ZNG1A: variants seen among roughly 807,000 people sequenced by gnomAD.
ZNG1A encodes the protein Zn regulated GTPase metalloprotein activator 1A.
chr9:128,804 G>C, the ZNG1A span, among the ~76,000 whole-genome samples: 1 of 150,370 alleles, frequency 6.7e-6, no homozygotes, highest in African/African-American at 2.5e-5. Flanking sequence ...CATTTGGGTA[G>C]GCTCTGTCAG....
At chr9:139,402 C>T in the ZNG1A span, among the ~76,000 whole-genome samples, 8 of 148,664 alleles carry the variant, frequency 5.4e-5, 1 homozygote, top group Non-Finnish European at 1.2e-4. Context: ...GGGTATAAAG[C>T]TTCAGTTATA....
the ZNG1A span, among the ~76,000 whole-genome samples, chr9:156,154 C>CATATATATATATAT: frequency 1.4e-3 from 194 of 133,982 alleles, no homozygotes; most frequent in Middle Eastern, 0.019. Context: ...TATTATTATA[C>CATATATATATATAT]ATATATATAT....
the ZNG1A span, chr9:149,110 T>G: frequency 1.3e-5 from 2 of 150,366 alleles, no homozygotes; most frequent in Non-Finnish European, 2.9e-5. Context: ...CTAATCACAT[T>G]TTCCAAACCT....
chr9:176,932 A>T, the ZNG1A span, among the ~76,000 whole-genome samples: 1 of 152,172 alleles, frequency 6.6e-6, no homozygotes, highest in Non-Finnish European at 1.5e-5. Context: ...AAAAGTGAAC[A>T]AGATAGTCTC....
At chr9:178,718 C>A in the ZNG1A span, 7 of 1,018,200 alleles carry the variant, frequency 6.9e-6, 1 homozygote, top group South Asian at 7.3e-5. Context: ...TGCTCTTGAT[C>A]ATGAGGCCCC....
chr9:163,790 G>A, the ZNG1A span, among the ~76,000 whole-genome samples: 5,249 of 150,988 alleles, frequency 0.035, 80 homozygotes, highest in Middle Eastern at 0.055. Context: ...GATGGTGCAC[G>A]CCTGTAGTCC....
At chr9:139,894 G>A in the ZNG1A span, among the ~76,000 whole-genome samples, 2 of 151,028 alleles carry the variant, frequency 1.3e-5, no homozygotes, top group Admixed American at 6.6e-5. Flanking sequence ...TCAAAGAAAG[G>A]GGTGACAGAC....
chr9:134,978 C>A, the ZNG1A span: 2 of 1,465,856 alleles, frequency 1.4e-6, no homozygotes, highest in Non-Finnish European at 1.8e-6. Context: ...TTTTTCTTTA[C>A]CTGATCAAGG....
the ZNG1A span, among the ~76,000 whole-genome samples, chr9:129,848 C>T: frequency 7.0e-6 from 1 of 142,860 alleles, no homozygotes; most frequent in Non-Finnish European, 1.5e-5. Context: ...AATATACAGT[C>T]ATGGATACAT....
At chr9:161,882 T>C in the ZNG1A span, among the ~76,000 whole-genome samples, 1 of 151,756 alleles carries the variant, frequency 6.6e-6, no homozygotes, top group Non-Finnish European at 1.5e-5. Flanking sequence ...CCTATGTGTA[T>C]ATCCTGATTT....
the ZNG1A span, among the ~76,000 whole-genome samples, chr9:139,187 C>T: frequency 1.3e-5 from 2 of 149,828 alleles, no homozygotes; most frequent in Admixed American, 1.3e-4. Context: ...ATTATTCAGA[C>T]TTAAAAAGGA....
At chr9:128,547 A>C in the ZNG1A span, among the ~76,000 whole-genome samples, 1 of 144,756 alleles carries the variant, frequency 6.9e-6, no homozygotes, top group Non-Finnish European at 1.5e-5. Context: ...TTTTTTATTT[A>C]TGCTATCTAG....
chr9:156,233 G>A, the ZNG1A span, among the ~76,000 whole-genome samples: 13 of 149,516 alleles, frequency 8.7e-5, no homozygotes, highest in African/African-American at 9.8e-5. Context: ...AATATTTCCC[G>A]AGTTCCTCAA....
the ZNG1A span, chr9:172,325 C>T: frequency 4.7e-5 from 42 of 885,840 alleles, no homozygotes; most frequent in Non-Finnish European, 6.0e-5. Flanking sequence ...ACAAAATGTC[C>T]GTCCCATATT....
chr9:127,805 T>C, the ZNG1A span, among the ~76,000 whole-genome samples: 2 of 152,392 alleles, frequency 1.3e-5, no homozygotes, highest in African/African-American at 4.8e-5. Flanking sequence ...GTGATATTTA[T>C]GCTTTAAAGA....
the ZNG1A span, chr9:160,061 C>A: frequency 2.2e-6 from 1 of 454,600 alleles, no homozygotes; most frequent in Non-Finnish European, 4.4e-6. Flanking sequence ...ATTTGTGGAA[C>A]TGAAAAGAAC....
the ZNG1A span, among the ~76,000 whole-genome samples, chr9:170,537 C>T: frequency 4.6e-5 from 7 of 150,556 alleles, no homozygotes; most frequent in South Asian, 1.5e-3. Flanking sequence ...TGGGGTGCGC[C>T]ACATCGCCTG....
At chr9:174,906 T>C in the ZNG1A span, among the ~76,000 whole-genome samples, 1 of 150,404 alleles carries the variant, frequency 6.6e-6, no homozygotes, top group African/African-American at 2.5e-5. Context: ...TTTTCACAGA[T>C]AACTTAAAAT....
chr9:150,771 AC>A, the ZNG1A span: 7 of 962,292 alleles, frequency 7.3e-6, no homozygotes, highest in African/African-American at 1.3e-4. Context: ...AATGTCAAAC[AC>A]ACTAAATTGT....
Sources: gnomAD v4.1 joint callset for allele counts (sites outside exome capture counted in the v4.1 genomes callset) on GRCh38, gnomAD v4.1.1 for gene constraint, MANE v1.5 for transcripts, NCBI Gene and HGNC (gene_info 2026-07-23, HGNC 2026-07-21) for gene names.